The following TMIGD3 variants were observed in gnomAD, a reference collection of about 807,000 sequenced individuals.
TMIGD3 encodes transmembrane and immunoglobulin domain containing 3.
TMIGD3 carries 21 observed loss-of-function variants against 28.1 expected under a neutral mutation model. The ratio of observed to expected loss-of-function variants is 0.75; its 90% CI spans 0.53 to 1.08. The LOEUF is 1.08. Ranked by LOEUF, TMIGD3 falls within the 50% of genes least tolerant of loss-of-function variation. The probability of loss-of-function intolerance (pLI) is 0.00; values close to 1 mark genes in which losing one functional copy is unlikely to be tolerated. For missense variants in TMIGD3, 416 were observed against 435.6 expected (o/e 0.96, Z 0.40); for synonymous variants, 151 against 162.1 (o/e 0.93, Z 0.52).
intron 1 of TMIGD3, among the ~76,000 whole-genome samples, chr1:111,535,679 C>T (rs377564164): frequency 4.6e-5 from 7 of 152,116 alleles, no homozygotes; most frequent in African/African-American, 9.7e-5. Context: ...CAATGAGGGC[C>T]GATAACTCCG....
chr1:111,562,290 T>C (rs949340222), intron 1 of TMIGD3, among the ~76,000 whole-genome samples: 2 of 152,226 alleles, frequency 1.3e-5, no homozygotes, highest in African/African-American at 2.4e-5. Flanking sequence ...AGTATTTCAA[T>C]ACAGTTATGT....
At chr1:111,490,600 A>G in intron 2 of TMIGD3, 56 bp downstream of exon 2, 1 of 1,372,654 alleles carries the variant, frequency 7.3e-7, no homozygotes, top group Non-Finnish European at 1.0e-6. Flanking sequence ...TTCAGTGCAA[A>G]GTCTCTGGAA....
At chr1:111,502,165 T>C (rs2265691) in intron 1 of TMIGD3, among the ~76,000 whole-genome samples, 1,743 of 25,310 alleles carry the variant, frequency 0.069, 359 homozygotes, top group East Asian at 0.19. Context: ...GATATATATT[T>C]ATTATAATAA....
At chr1:111,537,773 T>C (rs1445280657) in intron 1 of TMIGD3, among the ~76,000 whole-genome samples, 2 of 152,236 alleles carry the variant, frequency 1.3e-5, no homozygotes, top group Non-Finnish European at 2.9e-5. Context: ...TTACCAAGCC[T>C]GAAGGTATGC....
chr1:111,563,957 C>G, exon 1 of TMIGD3: 7 of 1,610,670 alleles, frequency 4.3e-6, no homozygotes, highest in Non-Finnish European at 5.9e-6. Flanking sequence ...TTCCATTGGT[C>G]CAACTGGTGG....
At chr1:111,546,354 A>G (rs1292749171) in intron 1 of TMIGD3, among the ~76,000 whole-genome samples, 1 of 152,118 alleles carries the variant, frequency 6.6e-6, no homozygotes, top group Admixed American at 6.5e-5. Context: ...CATTACCACC[A>G]TCCATCTCTA....
chr1:111,536,695 C>G (rs1656651621), intron 1 of TMIGD3, among the ~76,000 whole-genome samples: 1 of 152,080 alleles, frequency 6.6e-6, no homozygotes, highest in Non-Finnish European at 1.5e-5. Context: ...TCATGTTCAC[C>G]CCTTTTTTTG....
intron 1 of TMIGD3, among the ~76,000 whole-genome samples, chr1:111,493,924 G>T (rs1022211798): frequency 6.6e-6 from 1 of 152,220 alleles, no homozygotes; most frequent in African/African-American, 2.4e-5. Flanking sequence ...CAGCCCAAGT[G>T]TTCTTATTCC....
intron 1 of TMIGD3, among the ~76,000 whole-genome samples, chr1:111,555,705 A>G (rs1269700216): frequency 1.3e-5 from 2 of 152,190 alleles, no homozygotes; most frequent in East Asian, 1.9e-4. Flanking sequence ...GGAAAACTGG[A>G]TAATAACAAA....
intron 1 of TMIGD3, among the ~76,000 whole-genome samples, chr1:111,533,890 C>T (rs1019633621): frequency 6.6e-6 from 1 of 152,082 alleles, no homozygotes; most frequent in Admixed American, 6.6e-5. Flanking sequence ...CACTTTGGAG[C>T]CAGTATGCTT....
intron 1 of TMIGD3, among the ~76,000 whole-genome samples, chr1:111,561,637 AT>A (rs1657742469): frequency 6.6e-6 from 1 of 152,152 alleles, no homozygotes; most frequent in South Asian, 2.1e-4. Context: ...ATCATAGGCC[AT>A]TACTCTTCTC....
At chr1:111,555,362 T>TA (rs397981230) in intron 1 of TMIGD3, among the ~76,000 whole-genome samples, 14,511 of 47,566 alleles carry the variant, frequency 0.31, 2,847 homozygotes, top group East Asian at 0.49. Flanking sequence ...TGAGACTCTG[T>TA]AAAAAAAAAA....
upstream of TMIGD3, among the ~76,000 whole-genome samples, chr1:111,506,548 C>T (rs1028898915): frequency 2.0e-5 from 3 of 152,204 alleles, no homozygotes; most frequent in African/African-American, 7.2e-5. Flanking sequence ...GCTTCTGCTT[C>T]GGAGCCCAGG....
At chr1:111,500,802 C>A in intron 1 of TMIGD3, 1 of 549,058 alleles carries the variant, frequency 1.8e-6, no homozygotes, top group Non-Finnish European at 3.2e-6. Flanking sequence ...GGGGACTTTT[C>A]TAAAGAAGAA....
At chr1:111,484,008 T>G (rs534609024) in intron 5 of TMIGD3, among the ~76,000 whole-genome samples, 1 of 152,228 alleles carries the variant, frequency 6.6e-6, no homozygotes, top group East Asian at 1.9e-4. Context: ...AGCCCAAGAA[T>G]GTCAAAGCTA....
At position 111,488,765 on chromosome 1, in the gene TMIGD3, C is replaced by G; in HGVS notation, c.717G>C (p.Arg239=). The G allele has an allele frequency of 6.2e-7, 1 of 1,614,190 alleles. No individual in the cohort carries two copies. Among genetic ancestry groups the G allele is most frequent in the African/African-American group, 1.3e-5 (1 of 75,036 alleles). ...DTGWYWCGIQ[R]DFARDDMDFT... is the part of the protein sequence containing the mutation. ...AATCCATGTCATCCCTGGCAAAGTC[C>G]CGCTGGATGCCACACCAGTACCAGC... Residue 239 remains arginine (R), a synonymous_variant, in exon 3 of 6, where the codon CGG becomes CGC. Transcript: ENST00000369716.
chr1:111,484,287 G>A (rs1271215592), intron 5 of TMIGD3, among the ~76,000 whole-genome samples: 1 of 152,118 alleles, frequency 6.6e-6, no homozygotes, highest in African/African-American at 2.4e-5. Context: ...GCCCATCTTT[G>A]TATCCCCAGC....
At chr1:111,546,360 C>G (rs192625202) in intron 1 of TMIGD3, among the ~76,000 whole-genome samples, 1 of 152,192 alleles carries the variant, frequency 6.6e-6, no homozygotes, top group East Asian at 1.9e-4. Context: ...CACCATCCAT[C>G]TCTAAAACTG....
chr1:111,500,703 A>G, intron 1 of TMIGD3: 3 of 780,260 alleles, frequency 3.8e-6, no homozygotes, highest in Non-Finnish European at 4.1e-6. Flanking sequence ...GGCAGCATTG[A>G]TATCCTATGG....
Sources: allele counts gnomAD v4.1 joint callset (sites outside exome capture counted in the v4.1 genomes callset), GRCh38; gene constraint gnomAD v4.1.1; transcripts MANE v1.5; gene names NCBI Gene and HGNC (gene_info 2026-07-23, HGNC 2026-07-21).